Variants in HSP90AA1 observed in about 807,000 individuals in gnomAD.
The protein encoded by HSP90AA1 is heat shock protein 90 alpha family class A member 1, also known as heat shock protein HSP 90-alpha.
Under a neutral mutation model 73.3 loss-of-function variants are expected in HSP90AA1, and 18 were observed. That is an observed-to-expected ratio of 0.25 (90% confidence interval 0.17 to 0.36). The LOEUF (loss-of-function observed/expected upper bound fraction) is 0.36. HSP90AA1 is among the 10% of genes least tolerant of loss of function. HSP90AA1 has a pLI of 1.00. For missense variants in HSP90AA1, 704 were observed against 874.2 expected (o/e 0.81, Z 2.45); for synonymous variants, 477 against 296.9 (o/e 1.61, Z -6.24).
chr14:102,084,827 T>G lies in HSP90AA1; in HGVS notation c.835A>C (p.Lys279Gln). 1 of 1,600,334 alleles carries G rather than the reference T, an allele frequency of 6.2e-7. No homozygotes were observed. The highest frequency in any genetic ancestry group is 8.6e-7 in the Non-Finnish European group (1 of 1,167,940). The change falls in exon 5 of 11, where the codon AAG (lysine) becomes CAG (glutamine). Residue 279 changes from lysine to glutamine, a missense_variant. Coordinates refer to ENST00000216281, the MANE Select transcript of HSP90AA1 (RefSeq NM_005348.4). ...TGATCGATGTACTTTTCCTTAATCT[T>G]CTTCTTCTTCTTCTTGTCACCATCC... ...KKDGDKKKKK[K>Q]IKEKYIDQEE...
At chr14:102,094,628 C>G (rs1355096587) in intron 2 of HSP90AA1, among the ~76,000 whole-genome samples, 1 of 152,072 alleles carries the variant, frequency 6.6e-6, no homozygotes, top group Non-Finnish European at 1.5e-5. Context: ...AGCCAGGGAA[C>G]AGTGAGAAGG....
chr14:102,104,276 C>A (rs1193758633), intron 1 of HSP90AA1, among the ~76,000 whole-genome samples: 1 of 152,114 alleles, frequency 6.6e-6, no homozygotes, highest in Admixed American at 6.6e-5. Context: ...ACGGCAAGAT[C>A]TTGGCTCACT....
At position 102,085,751 on chromosome 14, in the gene HSP90AA1, T is replaced by C; in HGVS notation, c.529+7A>G. The stretch of plus-strand genomic sequence containing the variant: ...CTCACTTAACCAGTGAATGTTCAGG[T>C]GCCTACCTGTGTCTGTCCTCACTGT... On this transcript the variant is annotated splice_region_variant and intron_variant, in intron 3 of 10. Transcript: ENST00000216281. 1 of 1,613,950 alleles carries C rather than the reference T, an allele frequency of 6.2e-7. No homozygotes were observed. The highest frequency in any genetic ancestry group is 8.5e-7 in the Non-Finnish European group (1 of 1,179,858).
At chr14:102,124,173 T>C (rs941114860) in intron 1 of HSP90AA1, among the ~76,000 whole-genome samples, 6 of 150,816 alleles carry the variant, frequency 4.0e-5, no homozygotes, top group South Asian at 2.1e-4. Context: ...GAGACAGTTA[T>C]TGATGTTTGA....
intron 1 of HSP90AA1, among the ~76,000 whole-genome samples, chr14:102,120,165 A>C (rs1324565465): frequency 2.6e-5 from 4 of 152,096 alleles, no homozygotes; most frequent in Non-Finnish European, 4.4e-5. Flanking sequence ...GGAGTTCGAG[A>C]CCAGCCTGGG....
intron 3 of HSP90AA1, 141 bp from the exon 4 acceptor site, chr14:102,085,572 C>A: frequency 3.4e-6 from 4 of 1,188,352 alleles, no homozygotes; most frequent in South Asian, 1.3e-5. Context: ...ACCTTTTGGG[C>A]AAGGTGCCTC....
In HSP90AA1 at chr14:102,081,828, C is replaced by A. The variant is rs901270082; in HGVS notation, c.2090-7G>T. 1 of 1,319,372 alleles carries A rather than the reference C, an allele frequency of 7.6e-7. No individual in the cohort carries two copies. The highest frequency in any genetic ancestry group is 1.1e-6 in the Non-Finnish European group (1 of 911,712). 81.7% of individuals were successfully genotyped at this position (1,319,372 alleles called of 1,614,324 possible). A position where few individuals can be genotyped will look rare whatever the true frequency, so the allele number is the denominator to read the frequency against. ...GGGTCATCTTCATCAATACCTGTTT[C>A]CAAAATAAAATCCTCATATTACAAA... On this transcript the variant is annotated splice_polypyrimidine_tract_variant and splice_region_variant and intron_variant, in intron 10 of 10. Transcript: ENST00000216281.
upstream of HSP90AA1, among the ~76,000 whole-genome samples, chr14:102,090,185 T>C (rs1362523381): frequency 3.9e-5 from 6 of 152,196 alleles, no homozygotes; most frequent in East Asian, 1.2e-3. Flanking sequence ...TGCTGTTCCC[T>C]CTGCCTGGAA....
In HSP90AA1 at chr14:102,083,550, G is replaced by A. The variant is rs1783007303; in HGVS notation, c.1482C>T (p.Ile494=). 4.3e-6 allele frequency: 7 copies of A among 1,613,414 alleles called. No homozygotes were observed. Among genetic ancestry groups the A allele is most frequent in the Non-Finnish European group, 5.9e-6 (7 of 1,179,624 alleles). The part of the protein sequence containing the change: ...MKENQKHIYY[I]TGETKDQVAN... The stretch of plus-strand genomic sequence containing the variant: ...TGTAACATAGTGTTCTCTTACCTGT[G>A]ATATAATAGATATGTTTCTGGTTCT... The change falls in exon 8 of 11, where the codon ATC becomes ATT. Residue 494 remains isoleucine (I), a synonymous_variant. Coordinates refer to ENST00000216281, the MANE Select transcript of HSP90AA1 (RefSeq NM_005348.4).
Position 102,087,013 on chromosome 14 carries a change from C to T in HSP90AA1, c.-28G>A, listed in dbSNP as rs17554423. The T allele has an allele frequency of 8.1e-6, 8 of 985,430 alleles. No individual in the cohort carries two copies. The East Asian group carries it at 6.8e-4, about 84-fold the overall frequency. The allele number at this position is 985,430 out of a possible 1,614,324, so 61.0% of individuals were successfully genotyped here. On this transcript the variant is annotated 5_prime_UTR_variant, in exon 1 of 11. Coordinates refer to ENST00000216281, the MANE Select transcript of HSP90AA1 (RefSeq NM_005348.4). Reference sequence around the variant, plus strand: ...TGGCTAAGTGACCGCACAGGACCAACGGCACAGCCACACCGGGACGCTGAA... The same window carrying T: ...TGGCTAAGTGACCGCACAGGACCAATGGCACAGCCACACCGGGACGCTGAA...
chr14:102,087,282 G>A, upstream of HSP90AA1: 2 of 482,298 alleles, frequency 4.1e-6, no homozygotes, highest in Non-Finnish European at 5.4e-6. Context: ...CGCGCCTCTC[G>A]CACGCCCCCG....
Position 102,080,766 on chromosome 14 carries a change from T to C in HSP90AA1, c.*946A>G, listed in dbSNP as rs2049080630. On this transcript the variant is annotated 3_prime_UTR_variant, in exon 11 of 11. Transcript: ENST00000216281. ...GGCCAAGGAATTAAGTGACTGTATTTAACACAGAAGGTATTCCATGAATAA... is the reference window on the plus strand; with the variant it reads ...GGCCAAGGAATTAAGTGACTGTATTCAACACAGAAGGTATTCCATGAATAA... The C allele has an allele frequency of 4.7e-6, 1 of 214,628 alleles. No homozygotes were observed. Among genetic ancestry groups the C allele is most frequent in the Non-Finnish European group, 9.4e-6 (1 of 106,210 alleles). 13.3% of individuals were successfully genotyped at this position (214,628 alleles called of 1,614,324 possible). A position where few individuals can be genotyped will look rare whatever the true frequency, so the allele number is the denominator to read the frequency against.
intron 3 of HSP90AA1, 101 bp downstream of exon 3, chr14:102,085,657 A>C: frequency 6.4e-7 from 1 of 1,560,764 alleles, no homozygotes; most frequent in Non-Finnish European, 8.8e-7. Flanking sequence ...TCGTTGGGCA[A>C]ACACAAATTC....
intron 1 of HSP90AA1, among the ~76,000 whole-genome samples, chr14:102,134,190 T>C (rs1028913790): frequency 3.3e-5 from 5 of 150,520 alleles, no homozygotes; most frequent in Non-Finnish European, 7.4e-5. Flanking sequence ...ATACAAAAAT[T>C]AGCTGGGCAC....
exon 1 of HSP90AA1, chr14:102,139,484 G>A (rs1048883058): frequency 1.1e-5 from 15 of 1,408,286 alleles, no homozygotes; most frequent in Non-Finnish European, 1.3e-5. Context: ...CGCTCTTTGG[G>A]GTCCCGGCGC....
chr14:102,082,740 C>T (rs2049127555), intron 9 of HSP90AA1: 1 of 503,212 alleles, frequency 2.0e-6, no homozygotes, highest in African/African-American at 1.9e-5. Context: ...CCTGCCTCAG[C>T]CTCCCAAGTG....
At chr14:102,082,002 G>A in intron 10 of HSP90AA1, 109 bp downstream of exon 10, 1 of 837,428 alleles carries the variant, frequency 1.2e-6, no homozygotes, top group Non-Finnish European at 2.0e-6. Context: ...ATACCTCCAA[G>A]CAGCAAGCAG....
At chr14:102,124,531 A>G (rs761294854) in intron 1 of HSP90AA1, among the ~76,000 whole-genome samples, 7 of 151,238 alleles carry the variant, frequency 4.6e-5, no homozygotes, top group Non-Finnish European at 1.0e-4. Flanking sequence ...TACATTGTCT[A>G]TTGTTTCTTT....
rs2049201511 is a variant in HSP90AA1, at chr14:102,085,376, A to T, written c.585T>A (p.Thr195=). ...TTATTCTTCGTTCCTCCAAGTACTCAGTTTGGTCTTCTTTCAGGTGTAGGA... is the reference window on the plus strand; with the variant it reads ...TTATTCTTCGTTCCTCCAAGTACTCTGTTTGGTCTTCTTTCAGGTGTAGGA... ...KVILHLKEDQ[T]EYLEERRIKE... The change falls in exon 4 of 11, where the codon ACT becomes ACA. Residue 195 remains threonine, a synonymous_variant. Transcript: ENST00000216281. 1 of 1,613,116 alleles carries T rather than the reference A, an allele frequency of 6.2e-7. No homozygotes were observed. The highest frequency in any genetic ancestry group is 1.7e-5 in the Admixed American group (1 of 60,016).
Sources: gnomAD v4.1 joint callset for allele counts (sites outside exome capture counted in the v4.1 genomes callset) on GRCh38, gnomAD v4.1.1 for gene constraint, MANE v1.5 for transcripts, NCBI Gene and HGNC (gene_info 2026-07-23, HGNC 2026-07-21) for gene names.